Variants in ADGRE3 observed in about 807,000 individuals in gnomAD.
ADGRE3 encodes the protein adhesion G protein-coupled receptor E3, also known as EGF-like module receptor 3.
In ADGRE3, 88 loss-of-function variants were observed where a neutral mutation model predicts 80.1. That is an observed-to-expected ratio of 1.10 (90% CI 0.93 to 1.31). ADGRE3 has a LOEUF of 1.31. ADGRE3 is among the 40% of genes most tolerant of loss of function. ADGRE3 has a pLI of 0.00. For synonymous variants in ADGRE3, 281 were observed against 294.8 expected (o/e 0.95, Z 0.48); for missense variants, 715 against 776.5 (o/e 0.92, Z 0.94).
intron 7 of ADGRE3, among the ~76,000 whole-genome samples, chr19:14,648,264 G>T (rs1971471839): frequency 6.6e-6 from 1 of 152,094 alleles, no homozygotes; most frequent in Admixed American, 6.6e-5. Flanking sequence ...TCTTTAATAT[G>T]CTGATTAATT....
In ADGRE3 at chr19:14,622,113, C is replaced by T. The variant is rs1599600203; in HGVS notation, c.1921-2642G>A. The T allele has an allele frequency of 2.5e-5, 26 of 1,054,028 alleles. 7 individuals carry two copies. The East Asian group carries it at 6.8e-4, about 28-fold the overall frequency. The allele number at this position is 1,054,028 out of a possible 1,614,324, so 65.3% of individuals were successfully genotyped here. On this transcript the variant is annotated intron_variant, in intron 15 of 15. Transcript: ENST00000253673. ...ACACATTCTTTATGCTCAGCACAGA[C>T]ACCAAGGCAGGTCTGACACATCTCA...
At chr19:14,667,359 A>T (rs868122651) in intron 2 of ADGRE3, among the ~76,000 whole-genome samples, 39 of 144,696 alleles carry the variant, frequency 2.7e-4, no homozygotes, top group East Asian at 6.0e-4. Context: ...TTTTTTTTTT[A>T]AATTTGGTAA....
the ADGRE3 span, among the ~76,000 whole-genome samples, chr19:14,611,800 G>A: frequency 1.3e-5 from 2 of 152,062 alleles, no homozygotes; most frequent in African/African-American, 2.4e-5. Flanking sequence ...TCAGGATTTC[G>A]AGACCAGCCT....
At chr19:14,614,582 C>A (rs1248928989), downstream of ADGRE3, among the ~76,000 whole-genome samples, 1 of 144,042 alleles carries the variant, frequency 6.9e-6, no homozygotes, top group African/African-American at 2.5e-5. Flanking sequence ...GCCCGCCAAT[C>A]TTTTTTTTTT....
At position 14,638,163 on chromosome 19, in the gene ADGRE3, C is replaced by T. The variant is rs35094696; in HGVS notation, c.1426G>A (p.Ala476Thr). Residue 476 changes from alanine to threonine, a missense_variant, in exon 11 of 16, where the codon GCT becomes ACT. Transcript: ENST00000253673. ...GCTGCAGAAATGGCCACAGTCACAG[C>T]GGGAACGCCATAGCCGACTGGGAAC... ...IMFPVGYGVP[A>T]VTVAISAASW... 621 of 1,614,044 alleles carry T rather than the reference C, an allele frequency of 3.8e-4. 2 individuals are homozygous for T. In the African/African-American group the frequency reaches 4.0e-3, roughly 10 times the overall value.
chr19:14,609,947 C>A, the ADGRE3 span: 1 of 723,496 alleles, frequency 1.4e-6, no homozygotes, highest in Non-Finnish European at 2.4e-6. Flanking sequence ...CCACACACGG[C>A]CTAATATGGG....
At chr19:14,668,582 C>G in intron 2 of ADGRE3, 2 of 544,680 alleles carry the variant, frequency 3.7e-6, no homozygotes, top group Non-Finnish European at 6.5e-6. Context: ...CTGTGGTTAG[C>G]AAAAACAGAC....
chr19:14,633,140 C>A, intron 12 of ADGRE3, 96 bp downstream of exon 12: 2 of 1,327,144 alleles, frequency 1.5e-6, no homozygotes, highest in Non-Finnish European at 2.1e-6. Context: ...AAAATCAAAC[C>A]ACCCAACAGT....
At chr19:14,606,943 C>A in the ADGRE3 span, 4 of 1,027,686 alleles carry the variant, frequency 3.9e-6, no homozygotes, top group Admixed American at 4.0e-5. Context: ...GGTCCTCACC[C>A]TGAGGGTCAT....
At chr19:14,620,548 T>TATAATATATATATATATATAATA in intron 15 of ADGRE3, among the ~76,000 whole-genome samples, 1 of 24,982 alleles carries the variant, frequency 4.0e-5, no homozygotes, top group African/African-American at 2.1e-4. Flanking sequence ...TATATATATA[T>TATAATATATATATATATATAATA]TATATATATA....
intron 14 of ADGRE3, among the ~76,000 whole-genome samples, chr19:14,626,359 C>T (rs559389172): frequency 2.6e-5 from 4 of 152,126 alleles, no homozygotes; most frequent in Admixed American, 6.6e-5. Flanking sequence ...ATTGCTTGAA[C>T]CTGGGAGGCA....
At chr19:14,664,763 C>T (rs1972045579) in intron 2 of ADGRE3, among the ~76,000 whole-genome samples, 1 of 151,840 alleles carries the variant, frequency 6.6e-6, no homozygotes. Flanking sequence ...GAGGGAGATT[C>T]TGATCGTGGT....
intron 1 of ADGRE3, among the ~76,000 whole-genome samples, chr19:14,669,780 C>T (rs1361083390): frequency 1.3e-5 from 2 of 152,120 alleles, no homozygotes. Context: ...ATGAGCCACT[C>T]TGCCCAGCCC....
chr19:14,648,152 C>T (rs1971467440), intron 7 of ADGRE3, among the ~76,000 whole-genome samples: 1 of 150,474 alleles, frequency 6.6e-6, no homozygotes, highest in Non-Finnish European at 1.5e-5. Flanking sequence ...CTGGAAACTT[C>T]AAAGTCTGGT....
At chr19:14,664,011 C>T (rs909977239) in intron 2 of ADGRE3, among the ~76,000 whole-genome samples, 28 of 151,956 alleles carry the variant, frequency 1.8e-4, no homozygotes, top group African/African-American at 6.5e-4. Context: ...GGCAGGGCCT[C>T]TCAAGGCTGA....
Position 14,665,378 on chromosome 19 carries a change from T to C in ADGRE3, c.77-1838A>G, listed in dbSNP as rs569653489. ...GCGCCCAGCTGCAACCTCATTATTT[T>C]AAAAGGCATTGCAGTATTCCATCCC... On this transcript the variant is annotated intron_variant, in intron 2 of 15. Coordinates refer to ENST00000253673, the MANE Select transcript of ADGRE3 (RefSeq NM_032571.5). Among the ~76,000 whole-genome samples the C allele has an allele frequency of 2.3e-4, 35 of 152,202 alleles. No homozygotes were observed. The South Asian group carries it at 7.3e-3, about 32-fold the overall frequency.
At chr19:14,646,383 G>A (rs1461475360) in intron 8 of ADGRE3, among the ~76,000 whole-genome samples, 1 of 151,970 alleles carries the variant, frequency 6.6e-6, no homozygotes, top group Non-Finnish European at 1.5e-5. Context: ...CAAAGTGCTG[G>A]GATTACAGGT....
At chr19:14,671,296 G>A (rs915473082) in intron 1 of ADGRE3, among the ~76,000 whole-genome samples, 1 of 152,142 alleles carries the variant, frequency 6.6e-6, no homozygotes. Flanking sequence ...AATGTTAGTA[G>A]GGCTGGTTTC....
intron 10 of ADGRE3, among the ~76,000 whole-genome samples, chr19:14,639,802 G>A (rs1387187465): frequency 6.6e-6 from 1 of 152,124 alleles, no homozygotes; most frequent in Non-Finnish European, 1.5e-5. Context: ...CTAAAAGCAG[G>A]ACATACGTTT....
Sources: gnomAD v4.1 joint callset for allele counts (sites outside exome capture counted in the v4.1 genomes callset) on GRCh38, gnomAD v4.1.1 for gene constraint, MANE v1.5 for transcripts, NCBI Gene and HGNC (gene_info 2026-07-23, HGNC 2026-07-21) for gene names.